The following TADA2A variants were observed in gnomAD, a reference collection of about 807,000 sequenced individuals.
TADA2A encodes transcriptional adaptor 2A, also known as transcriptional adapter 2-alpha.
Under a neutral mutation model 67.4 loss-of-function variants are expected in TADA2A, and 38 were observed. That is an observed-to-expected ratio of 0.56 (90% CI 0.44 to 0.74). The LOEUF is 0.74. Ranked by LOEUF, TADA2A falls within the 30% of genes least tolerant of loss-of-function variation. The probability of loss-of-function intolerance (pLI) is 0.00; values close to 1 mark genes in which losing one functional copy is unlikely to be tolerated. For synonymous variants in TADA2A, 192 were observed against 181.6 expected (o/e 1.06, Z -0.46); for missense variants, 454 against 547.0 (o/e 0.83, Z 1.70).
rs201896297 is a variant in TADA2A at position 37,410,465 on chromosome 17, T to C, written c.-97-804T>C. Among the ~76,000 whole-genome samples the C allele has an allele frequency of 1.1e-4, 17 of 152,114 alleles. No individual in the cohort carries two copies. In the East Asian group the frequency reaches 3.1e-3, roughly 28 times the overall value. ...TGCTGGGATTACAGGCATGAGCCAC[T>C]GTGCCTGGCCCTGTTACGTACTTGT... On this transcript the variant is annotated intron_variant, in intron 1 of 15. Coordinates refer to ENST00000615182, the MANE Select transcript of TADA2A (RefSeq NM_001166105.3).
At chr17:37,437,488 G>C (rs1229150360) in intron 4 of TADA2A, among the ~76,000 whole-genome samples, 2 of 152,010 alleles carry the variant, frequency 1.3e-5, no homozygotes, top group Non-Finnish European at 2.9e-5. Flanking sequence ...CGCAGTTCAA[G>C]TGATTCTCCT....
At position 37,476,902 on chromosome 17, in the gene TADA2A, G is replaced by A. The variant is rs1236270887; in HGVS notation, c.1252G>A (p.Ala418Thr). ...AGGCTTAAGACTGGCGCAGGCAAGAGCACTCATCAAGATAGATGTGAACAA... is the reference window on the plus strand; with the variant it reads ...AGGCTTAAGACTGGCGCAGGCAAGAACACTCATCAAGATAGATGTGAACAA... ...QGGLRLAQAR[A>T]LIKIDVNKTR... is the part of the protein sequence containing the mutation. Residue 418 changes from alanine to threonine, a missense_variant, in exon 16 of 16, where the codon GCA becomes ACA. By Grantham distance (58) the Ala-to-Thr change is moderately conservative. Transcript: ENST00000615182. 6.2e-7 allele frequency: 1 copy of A among 1,614,172 alleles called. No homozygotes were observed. The highest frequency in any genetic ancestry group is 8.5e-7 in the Non-Finnish European group (1 of 1,180,034).
chr17:37,467,395 C>T, intron 11 of TADA2A, 59 bp from the exon 12 acceptor site: 2 of 1,397,334 alleles, frequency 1.4e-6, no homozygotes, highest in South Asian at 2.4e-5. Flanking sequence ...AGCAAAAGTG[C>T]TCACTAATGT....
At position 37,421,068 on chromosome 17, in the gene TADA2A, A is replaced by G. The variant is rs114395150; in HGVS notation, c.26-2441A>G. Among the ~76,000 whole-genome samples the G allele has an allele frequency of 7.8e-3, 1,140 of 146,682 alleles. 80 individuals are homozygous for G. The highest frequency in any genetic ancestry group is 0.026 in the African/African-American group (1,074 of 40,550). On this transcript the variant is annotated intron_variant, in intron 2 of 15. Coordinates refer to ENST00000615182, the MANE Select transcript of TADA2A (RefSeq NM_001166105.3). ...AGATCTGCTGTGTTATGTACTTACC[A>G]TGGGAGAAAGGGAGGAAGCTTCCTG...
chr17:37,416,164 G>A (rs1203052981), intron 2 of TADA2A, among the ~76,000 whole-genome samples: 2 of 148,522 alleles, frequency 1.3e-5, no homozygotes, highest in African/African-American at 5.0e-5. Flanking sequence ...TGTCACCCAG[G>A]CTGGAGTGCA....
intron 2 of TADA2A, among the ~76,000 whole-genome samples, chr17:37,420,598 G>C (rs1427119732): frequency 6.9e-6 from 1 of 145,490 alleles, no homozygotes; most frequent in Non-Finnish European, 1.5e-5. Context: ...TCGCCATGCT[G>C]GTCAGGTTAG....
intron 5 of TADA2A, among the ~76,000 whole-genome samples, chr17:37,440,127 A>G (rs1431494438): frequency 6.6e-6 from 1 of 151,748 alleles, no homozygotes; most frequent in East Asian, 1.9e-4. Flanking sequence ...TTGTATTTTT[A>G]GTAGAGACAG....
intron 9 of TADA2A, among the ~76,000 whole-genome samples, chr17:37,460,186 T>C (rs1323236573): frequency 2.0e-5 from 3 of 151,608 alleles, no homozygotes; most frequent in Non-Finnish European, 4.4e-5. Context: ...AGTGCTGGAA[T>C]TACAGGTGTG....
At chr17:37,461,354 TA>T (rs1261408417) in intron 9 of TADA2A, among the ~76,000 whole-genome samples, 1 of 152,146 alleles carries the variant, frequency 6.6e-6, no homozygotes, top group Non-Finnish European at 1.5e-5. Context: ...TGATCTAAAG[TA>T]AAACTTACTC....
chr17:37,457,005 A>G (rs1023865311), intron 8 of TADA2A, among the ~76,000 whole-genome samples: 8 of 152,098 alleles, frequency 5.3e-5, no homozygotes, highest in African/African-American at 1.9e-4. Context: ...TGGTTAGGAT[A>G]CTTGATGGAA....
chr17:37,413,722 T>C (rs1337667985), intron 2 of TADA2A, among the ~76,000 whole-genome samples: 1 of 151,934 alleles, frequency 6.6e-6, no homozygotes, highest in African/African-American at 2.4e-5. Flanking sequence ...CAATCTTTAC[T>C]ATTAAGGTTG....
At chr17:37,476,567 C>T (rs2053896341) in intron 15 of TADA2A, among the ~76,000 whole-genome samples, 1 of 152,176 alleles carries the variant, frequency 6.6e-6, no homozygotes, top group Admixed American at 6.5e-5. Flanking sequence ...CTGGCATGTG[C>T]TAAAGGCTCT....
intron 12 of TADA2A, 98 bp from the exon 13 acceptor site, chr17:37,470,302 T>A (rs986692718): frequency 6.8e-7 from 1 of 1,479,866 alleles, no homozygotes; most frequent in African/African-American, 1.4e-5. Context: ...GGAAACAGAC[T>A]TTAAGAACAA....
chr17:37,457,171 T>C (rs975047623), intron 8 of TADA2A, among the ~76,000 whole-genome samples: 1 of 148,914 alleles, frequency 6.7e-6, no homozygotes, highest in Non-Finnish European at 1.5e-5. Flanking sequence ...ACCACAATCA[T>C]TATTCTTTTT....
intron 8 of TADA2A, among the ~76,000 whole-genome samples, chr17:37,452,317 G>A (rs1219672556): frequency 2.0e-5 from 3 of 151,556 alleles, no homozygotes; most frequent in African/African-American, 7.3e-5. Flanking sequence ...GCAGGAGAAT[G>A]GCTTGAACCT....
Position 37,423,498 on chromosome 17 carries a change from G to C in TADA2A, c.26-11G>C. 1 of 1,594,136 alleles carries C rather than the reference G, an allele frequency of 6.3e-7. No homozygotes were observed. The highest frequency in any genetic ancestry group is 1.1e-5 in the South Asian group (1 of 87,852). On this transcript the variant is annotated splice_polypyrimidine_tract_variant and intron_variant, in intron 2 of 15. Transcript: ENST00000615182. Reference sequence around the variant, plus strand: ...GGTCTGAAATGTGCATTTGTTTTCTGTTTGTTCTAGATGATCCCTCTGATA... The same window carrying C: ...GGTCTGAAATGTGCATTTGTTTTCTCTTTGTTCTAGATGATCCCTCTGATA...
At chr17:37,413,638 C>A (rs2051947497) in intron 2 of TADA2A, among the ~76,000 whole-genome samples, 1 of 151,990 alleles carries the variant, frequency 6.6e-6, no homozygotes, top group Non-Finnish European at 1.5e-5. Context: ...CCTTGAATTC[C>A]TAGGCTCAAG....
intron 4 of TADA2A, among the ~76,000 whole-genome samples, chr17:37,428,068 G>A (rs900376883): frequency 1.3e-5 from 2 of 152,080 alleles, no homozygotes; most frequent in East Asian, 3.9e-4. Flanking sequence ...CTGACATTTG[G>A]CCCCCATGCA....
intron 2 of TADA2A, among the ~76,000 whole-genome samples, chr17:37,422,302 C>G (rs933221514): frequency 2.0e-5 from 3 of 149,734 alleles, no homozygotes; most frequent in Admixed American, 6.7e-5. Flanking sequence ...CCTCGGCCCC[C>G]CAAAGTGCTG....
Sources: gnomAD v4.1 joint callset for allele counts (sites outside exome capture counted in the v4.1 genomes callset) on GRCh38, gnomAD v4.1.1 for gene constraint, MANE v1.5 for transcripts, NCBI Gene and HGNC (gene_info 2026-07-23, HGNC 2026-07-21) for gene names.